TTPA: variants seen among roughly 807,000 people sequenced by gnomAD.
The protein encoded by TTPA is alpha tocopherol transfer protein, also known as alpha-tocopherol transfer protein.
Under a neutral mutation model 25.9 loss-of-function variants are expected in TTPA, and 23 were observed. That is an observed-to-expected ratio of 0.89 (90% CI 0.64 to 1.26). The LOEUF (loss-of-function observed/expected upper bound fraction) is 1.26. Ranked by LOEUF, TTPA falls within the 50% of genes most tolerant of loss-of-function variation. The probability of loss-of-function intolerance (pLI) is 0.00; values close to 1 mark genes in which losing one functional copy is unlikely to be tolerated. For synonymous variants in TTPA, 148 were observed against 137.3 expected (o/e 1.08, Z -0.54); for missense variants, 337 against 353.1 (o/e 0.95, Z 0.37).
rs1563677619 is a variant in TTPA at position 63,060,163 on chromosome 8, A to G, written c.*1089T>C. ...TTCCTTTCCTTTGTGTAGTTACGTT[A>G]TTGTTAACTAAAAACAGTCCATGTA... On this transcript the variant is annotated 3_prime_UTR_variant, in exon 5 of 5. Transcript: ENST00000260116. 1 of 152,180 alleles carries G rather than the reference A, an allele frequency of 6.6e-6. No individual in the cohort carries two copies. Among genetic ancestry groups the G allele is most frequent in the African/African-American group, 2.4e-5 (1 of 41,458 alleles). The allele number at this position is 152,180 out of a possible 1,614,324, so 9.4% of individuals were successfully genotyped here.
In TTPA at chr8:63,085,863, C is replaced by G. The variant is rs1272550384; in HGVS notation, c.159G>C (p.Leu53=). The G allele has an allele frequency of 4.4e-5, 68 of 1,535,746 alleles. No individual in the cohort carries two copies. The highest frequency in any genetic ancestry group is 5.8e-5 in the Non-Finnish European group (67 of 1,145,378). The change falls in exon 1 of 5, where the codon CTG becomes CTC. Residue 53 remains leucine (L), a synonymous_variant. Transcript: ENST00000260116. ...APLPLTDSFL[L]RFLRARDFDL... is the part of the protein sequence containing the mutation. ...CGAAATCCCGGGCGCGCAGGAACCG[C>G]AGCAGGAAGGAGTCGGTGAGCGGCA... is the stretch of plus-strand genomic sequence containing the variant.
In TTPA at chr8:63,060,888, T is replaced by A. The variant is rs559345463; in HGVS notation, c.*364A>T. On this transcript the variant is annotated 3_prime_UTR_variant, in exon 5 of 5. Coordinates refer to ENST00000260116, the MANE Select transcript of TTPA (RefSeq NM_000370.3). ...TATTTTTAAGCGGAATATTTCTAAA[T>A]TTTTTTCTAAACCAATTTAATCAGA... 2.3e-4 allele frequency: 42 copies of A among 185,140 alleles called. No individual in the cohort carries two copies. The highest frequency in any genetic ancestry group is 5.5e-3 in the Middle Eastern group (2 of 364). The allele number at this position is 185,140 out of a possible 1,614,324, so 11.5% of individuals were successfully genotyped here. A position where few individuals can be genotyped will look rare whatever the true frequency, so the allele number is the denominator to read the frequency against.
At chr8:63,077,911 G>A (rs1307172080) in intron 1 of TTPA, among the ~76,000 whole-genome samples, 2 of 152,128 alleles carry the variant, frequency 1.3e-5, no homozygotes, top group Non-Finnish European at 2.9e-5. Flanking sequence ...TCCCAGTAGG[G>A]GCCGACAGAC....
chr8:63,061,574 A>C (rs1805308289), intron 4 of TTPA, 149 bp from the exon 5 acceptor site: 1 of 706,248 alleles, frequency 1.4e-6, no homozygotes. Context: ...TATGAATCTA[A>C]TAATTTTACT....
chr8:63,061,497 A>G, intron 4 of TTPA, 72 bp from the exon 5 acceptor site: 3 of 1,394,048 alleles, frequency 2.2e-6, no homozygotes, highest in Non-Finnish European at 3.0e-6. Context: ...ACCTCATAAA[A>G]CAAGGTATTC....
At chr8:63,074,779 A>G (rs1421931709) in intron 1 of TTPA, among the ~76,000 whole-genome samples, 1 of 151,926 alleles carries the variant, frequency 6.6e-6, no homozygotes, top group African/African-American at 2.4e-5. Context: ...ATATAGAAAT[A>G]ATGTGTTTTT....
At chr8:63,067,825 A>G (rs1805421029) in intron 2 of TTPA, among the ~76,000 whole-genome samples, 1 of 152,170 alleles carries the variant, frequency 6.6e-6, no homozygotes, top group East Asian at 1.9e-4. Context: ...TGTCATAAAC[A>G]CCCAGTGTTT....
rs182838045 is a variant in TTPA, at chr8:63,077,931, A to G, written c.205-4843T>C. On this transcript the variant is annotated intron_variant, in intron 1 of 4. Transcript: ENST00000260116. ...GTAGGGGCCGACAGACACCTCATATAGGCAGGTGACACTCTGGGACGAAGC... is the reference window on the plus strand; with the variant it reads ...GTAGGGGCCGACAGACACCTCATATGGGCAGGTGACACTCTGGGACGAAGC... Among the ~76,000 whole-genome samples, 289 of 152,280 alleles carry G rather than the reference A, an allele frequency of 1.9e-3. 5 individuals are homozygous for G. The highest frequency in any genetic ancestry group is 4.3e-4 in the Non-Finnish European group (29 of 68,016).
chr8:63,074,688 C>T (rs1353134225), intron 1 of TTPA, among the ~76,000 whole-genome samples: 1 of 152,138 alleles, frequency 6.6e-6, no homozygotes, highest in African/African-American at 2.4e-5. Flanking sequence ...ATGCTTTTTA[C>T]TTTTCTGATA....
intron 3 of TTPA, among the ~76,000 whole-genome samples, chr8:63,064,852 C>T (rs889188473): frequency 2.6e-5 from 4 of 152,094 alleles, no homozygotes; most frequent in African/African-American, 9.7e-5. Context: ...ATACAGAGAC[C>T]TTTCATTCCA....
chr8:63,078,652 G>T (rs1486046049), intron 1 of TTPA, among the ~76,000 whole-genome samples: 1 of 152,118 alleles, frequency 6.6e-6, no homozygotes, highest in Non-Finnish European at 1.5e-5. Context: ...AGAGTAAAAA[G>T]AAATGAACAA....
intron 1 of TTPA, among the ~76,000 whole-genome samples, chr8:63,083,187 C>T (rs537341254): frequency 6.6e-6 from 1 of 152,278 alleles, no homozygotes; most frequent in East Asian, 1.9e-4. Flanking sequence ...CACATGCACA[C>T]GTATGTTTAC....
rs113463557 is a variant in TTPA at position 63,079,122 on chromosome 8, A to G, written c.205-6034T>C. On this transcript the variant is annotated intron_variant, in intron 1 of 4. Coordinates refer to ENST00000260116, the MANE Select transcript of TTPA (RefSeq NM_000370.3). ...AAGTGAAGGAGAAATAAAATTCTTT[A>G]CAGACAAGCTGAGAGATTTTGTCAC... Among the ~76,000 whole-genome samples, 765 of 152,336 alleles carry G rather than the reference A, an allele frequency of 5.0e-3. 8 individuals are homozygous for G. The highest frequency in any genetic ancestry group is 0.017 in the African/African-American group (726 of 41,578).
In TTPA at chr8:63,059,517, A is replaced by G. The variant is rs1360171250; in HGVS notation, c.*1735T>C. On this transcript the variant is annotated 3_prime_UTR_variant, in exon 5 of 5. Transcript: ENST00000260116. ...TTATAAAGAAAAACACCCTTCACAT[A>G]TCCTTACATAAAGATACTATTAATG... is the stretch of plus-strand genomic sequence containing the variant. 6.6e-6 allele frequency among the ~76,000 whole-genome samples: 1 copy of G among 152,116 alleles called. No individual in the cohort carries two copies. The highest frequency in any genetic ancestry group is 1.5e-5 in the Non-Finnish European group (1 of 68,022).
chr8:63,060,318 G>A lies in TTPA; in HGVS notation c.*934C>T, dbSNP rs776683493. 5.9e-5 allele frequency: 9 copies of A among 152,136 alleles called. No homozygotes were observed. Among genetic ancestry groups the A allele is most frequent in the African/African-American group, 9.7e-5 (4 of 41,422 alleles). 9.4% of individuals were successfully genotyped at this position (152,136 alleles called of 1,614,324 possible). ...TATTGAGAAGCCATCAACTGTGCCTGACGTATTTTCTAAATTATTTTTGTT... is the reference window on the plus strand; with the variant it reads ...TATTGAGAAGCCATCAACTGTGCCTAACGTATTTTCTAAATTATTTTTGTT... On this transcript the variant is annotated 3_prime_UTR_variant, in exon 5 of 5. Transcript: ENST00000260116.
chr8:63,077,059 A>C (rs570280648), intron 1 of TTPA, among the ~76,000 whole-genome samples: 1 of 152,352 alleles, frequency 6.6e-6, no homozygotes, highest in South Asian at 2.1e-4. Context: ...TAAAATTTAA[A>C]ATTCTGCACA....
In TTPA at chr8:63,061,445, T is replaced by G; in HGVS notation, c.664-20A>C. ...GTGAATCTGAAATAGCCAAAACACTTTAGAAGGAAACCGCATTAGATGCAT... is the reference window on the plus strand; with the variant it reads ...GTGAATCTGAAATAGCCAAAACACTGTAGAAGGAAACCGCATTAGATGCAT... On this transcript the variant is annotated intron_variant, in intron 4 of 4. Coordinates refer to ENST00000260116, the MANE Select transcript of TTPA (RefSeq NM_000370.3). The G allele has an allele frequency of 6.2e-7, 1 of 1,612,994 alleles. No homozygotes were observed. The highest frequency in any genetic ancestry group is 8.5e-7 in the Non-Finnish European group (1 of 1,179,326).
At chr8:63,085,693 G>A (rs1402989572) in intron 1 of TTPA, 125 bp downstream of exon 1, 12 of 1,200,056 alleles carry the variant, frequency 1.0e-5, no homozygotes, top group Non-Finnish European at 1.4e-5. Flanking sequence ...GGTTAGGGGC[G>A]CGTTACCCGC....
At chr8:63,073,369 A>G (rs1805513340) in intron 1 of TTPA, among the ~76,000 whole-genome samples, 1 of 152,078 alleles carries the variant, frequency 6.6e-6, no homozygotes, top group Non-Finnish European at 1.5e-5. Flanking sequence ...ATACCCATGC[A>G]CCATTCTTCC....
Sources: allele counts gnomAD v4.1 joint callset (sites outside exome capture counted in the v4.1 genomes callset), GRCh38; gene constraint gnomAD v4.1.1; transcripts MANE v1.5; gene names NCBI Gene and HGNC (gene_info 2026-07-23, HGNC 2026-07-21).